SLCO2A1: variants seen among roughly 807,000 people sequenced by gnomAD.
SLCO2A1 encodes solute carrier organic anion transporter family member 2A1, also known as matrin F/G 1.
A neutral mutation model predicts 71.7 loss-of-function variants in SLCO2A1; 60 were observed. That is an observed-to-expected ratio of 0.84 (90% CI 0.68 to 1.04). SLCO2A1 has a LOEUF of 1.04. Ranked by LOEUF, SLCO2A1 falls within the 50% of genes least tolerant of loss-of-function variation. The probability of loss-of-function intolerance (pLI) is 0.00; values close to 1 mark genes in which losing one functional copy is unlikely to be tolerated. For missense variants in SLCO2A1, 745 were observed against 813.4 expected (o/e 0.92, Z 1.02); for synonymous variants, 308 against 326.7 (o/e 0.94, Z 0.62).
chr3:133,998,638 TA>T (rs1368228990), intron 1 of SLCO2A1: 1 of 152,278 alleles, frequency 6.6e-6, no homozygotes, highest in Non-Finnish European at 1.5e-5. Flanking sequence ...CTTTTCCCCG[TA>T]AGTCAAACCT....
chr3:133,984,751 T>G (rs1412168241), intron 1 of SLCO2A1, among the ~76,000 whole-genome samples: 1 of 152,208 alleles, frequency 6.6e-6, no homozygotes, highest in Non-Finnish European at 1.5e-5. Flanking sequence ...CTAGTTGGGT[T>G]GCAACCTACC....
In SLCO2A1 at chr3:133,934,707, G is replaced by T; in HGVS notation, c.*6C>A. 2 of 1,605,790 alleles carry T rather than the reference G, an allele frequency of 1.2e-6. No individual in the cohort carries two copies. The highest frequency in any genetic ancestry group is 1.7e-6 in the Non-Finnish European group (2 of 1,172,762). On this transcript the variant is annotated 3_prime_UTR_variant, in exon 14 of 14. Transcript: ENST00000310926. The stretch of plus-strand genomic sequence containing the variant: ...CTCTGGAGCAGGGCAGTGGCCCAGG[G>T]TGGGGTCAGATGAGGCCTGCCGCCT...
At chr3:133,950,429 G>T (rs1196656516) in intron 6 of SLCO2A1, among the ~76,000 whole-genome samples, 1 of 152,152 alleles carries the variant, frequency 6.6e-6, no homozygotes, top group Non-Finnish European at 1.5e-5. Context: ...CCCTAGGAAT[G>T]TCTATCCTTA....
chr3:133,945,741 A>G (rs1396488653), intron 9 of SLCO2A1, among the ~76,000 whole-genome samples: 1 of 152,114 alleles, frequency 6.6e-6, no homozygotes, highest in Non-Finnish European at 1.5e-5. Flanking sequence ...AACCAGAGGG[A>G]TTTCACTGGT....
At chr3:133,987,533 C>T (rs1272707699) in intron 1 of SLCO2A1, among the ~76,000 whole-genome samples, 1 of 152,078 alleles carries the variant, frequency 6.6e-6, no homozygotes, top group Admixed American at 6.6e-5. Context: ...CAAGTTGTCT[C>T]GCCTTTCTGG....
At chr3:134,017,212 A>G (rs1048876117) in intron 1 of SLCO2A1, among the ~76,000 whole-genome samples, 2 of 152,228 alleles carry the variant, frequency 1.3e-5, no homozygotes, top group African/African-American at 4.8e-5. Context: ...TCTGCTTTTG[A>G]TATTATACTG....
Position 133,944,993 on chromosome 3 carries a change from A to T in SLCO2A1, c.1461+102T>A, listed in dbSNP as rs538149330. On this transcript the variant is annotated intron_variant, in intron 10 of 13. Coordinates refer to ENST00000310926, the MANE Select transcript of SLCO2A1 (RefSeq NM_005630.3). ...ATGCTGGTAATGAGTGTGTGTGTGG[A>T]GCCCTGCCTATCCTGGAGCCGAGAA... 1.7e-5 allele frequency: 22 copies of T among 1,258,386 alleles called. No homozygotes were observed. The South Asian group carries it at 3.1e-4, about 18-fold the overall frequency. 78.0% of individuals were successfully genotyped at this position (1,258,386 alleles called of 1,614,324 possible). A position where few individuals can be genotyped will look rare whatever the true frequency, so the allele number is the denominator to read the frequency against.
At chr3:133,956,899 G>A (rs1156287107) in intron 3 of SLCO2A1, among the ~76,000 whole-genome samples, 1 of 152,148 alleles carries the variant, frequency 6.6e-6, no homozygotes, top group Non-Finnish European at 1.5e-5. Context: ...AGATTGTGCT[G>A]ATCTTTTTTT....
At chr3:133,971,203 C>T (rs1018227828) in intron 3 of SLCO2A1, among the ~76,000 whole-genome samples, 4 of 152,236 alleles carry the variant, frequency 2.6e-5, no homozygotes, top group African/African-American at 9.6e-5. Context: ...CGAGAAAGGG[C>T]AGGGATTGTG....
intron 1 of SLCO2A1, among the ~76,000 whole-genome samples, chr3:134,012,433 A>G (rs1935363139): frequency 1.3e-5 from 2 of 152,158 alleles, no homozygotes; most frequent in South Asian, 4.1e-4. Context: ...CTTGTGCTAC[A>G]GTGAGCTCCC....
chr3:134,025,380 C>T (rs1249915193), intron 1 of SLCO2A1, among the ~76,000 whole-genome samples: 1 of 152,068 alleles, frequency 6.6e-6, no homozygotes, highest in Non-Finnish European at 1.5e-5. Flanking sequence ...CCTCCCATGA[C>T]CACAGTTTTT....
intron 10 of SLCO2A1, among the ~76,000 whole-genome samples, chr3:133,944,466 C>T (rs1434222404): frequency 6.6e-6 from 1 of 152,188 alleles, no homozygotes; most frequent in Non-Finnish European, 1.5e-5. Flanking sequence ...AAGGACTGTA[C>T]TTTGCCAAGT....
intron 12 of SLCO2A1, 116 bp from the exon 13 acceptor site, chr3:133,936,013 AC>A: frequency 9.5e-7 from 1 of 1,053,424 alleles, no homozygotes; most frequent in Non-Finnish European, 1.3e-6. Context: ...GCTCTGCCGT[AC>A]CCATAGGACT....
chr3:134,023,835 G>C (rs1043168477), intron 1 of SLCO2A1, among the ~76,000 whole-genome samples: 1 of 152,204 alleles, frequency 6.6e-6, no homozygotes, highest in African/African-American at 2.4e-5. Context: ...CACTAAGGTG[G>C]TCCTCCAGTT....
intron 1 of SLCO2A1, among the ~76,000 whole-genome samples, chr3:133,983,262 T>C (rs1455624619): frequency 6.6e-6 from 1 of 152,182 alleles, no homozygotes; most frequent in Non-Finnish European, 1.5e-5. Flanking sequence ...TCCTTACTCA[T>C]GGCGAGGCCA....
intron 1 of SLCO2A1, among the ~76,000 whole-genome samples, chr3:133,991,046 A>G (rs894306013): frequency 4.6e-5 from 7 of 152,068 alleles, no homozygotes; most frequent in Admixed American, 6.5e-5. Context: ...GGAGGCAGAG[A>G]CTGCAGTGAG....
At chr3:134,006,377 T>C (rs1935214716) in intron 1 of SLCO2A1, among the ~76,000 whole-genome samples, 1 of 152,162 alleles carries the variant, frequency 6.6e-6, no homozygotes. Context: ...TGGCATTAAG[T>C]ACATTCACGT....
At chr3:134,004,220 C>T (rs1559954781) in intron 1 of SLCO2A1, among the ~76,000 whole-genome samples, 1 of 152,036 alleles carries the variant, frequency 6.6e-6, no homozygotes, top group Non-Finnish European at 1.5e-5. Context: ...ATCCCCAGAA[C>T]CTGTAAATAA....
rs141322263 is a variant in SLCO2A1, at chr3:134,000,732, C to T, written c.97-21114G>A. On this transcript the variant is annotated intron_variant, in intron 1 of 13. Coordinates refer to ENST00000310926, the MANE Select transcript of SLCO2A1 (RefSeq NM_005630.3). ...CCCCAATTTAAAATGGCAACCCAGT[C>T]GCAACATTTGGGATTTTGAAATAAA... Among the ~76,000 whole-genome samples the T allele has an allele frequency of 5.9e-3, 904 of 152,296 alleles. 8 individuals carry two copies. Among genetic ancestry groups the T allele is most frequent in the Non-Finnish European group, 7.3e-3 (497 of 68,032 alleles).
Sources: gnomAD v4.1 joint callset for allele counts (sites outside exome capture counted in the v4.1 genomes callset) on GRCh38, gnomAD v4.1.1 for gene constraint, MANE v1.5 for transcripts, NCBI Gene and HGNC (gene_info 2026-07-23, HGNC 2026-07-21) for gene names.